Variants in ZDHHC21 observed in about 807,000 individuals in gnomAD.
ZDHHC21 encodes palmitoyltransferase ZDHHC21.
In ZDHHC21, 15 loss-of-function variants were observed where a neutral mutation model predicts 34.6. The observed-to-expected ratio is 0.43, with a 90% confidence interval of 0.29 to 0.67. The LOEUF is 0.67. Ranked by LOEUF, ZDHHC21 falls within the 30% of genes least tolerant of loss-of-function variation. The probability of loss-of-function intolerance (pLI) is 0.14; values close to 1 mark genes in which losing one functional copy is unlikely to be tolerated. For synonymous variants in ZDHHC21, 142 were observed against 101.8 expected (o/e 1.40, Z -2.38); for missense variants, 344 against 327.7 (o/e 1.05, Z -0.38).
Position 14,612,239 on chromosome 9 carries a change from C to A in ZDHHC21, c.*6727G>T, listed in dbSNP as rs1034348546. The A allele has an allele frequency of 2.0e-5, 3 of 151,970 alleles. No homozygotes were observed. The highest frequency in any genetic ancestry group is 4.4e-5 in the Non-Finnish European group (3 of 67,932). The allele number at this position is 151,970 out of a possible 1,614,324, so 9.4% of individuals were successfully genotyped here. ...CTTTTTTTCCATTCAGAATTGACTG[C>A]AAAACCATATATTGTATCTACATTC... On this transcript the variant is annotated 3_prime_UTR_variant, in exon 10 of 10. Coordinates refer to ENST00000380916, the MANE Select transcript of ZDHHC21 (RefSeq NM_178566.6).
intron 6 of ZDHHC21, among the ~76,000 whole-genome samples, chr9:14,659,443 G>A (rs12003860): frequency 0.032 from 4,828 of 152,180 alleles, 257 homozygotes; most frequent in African/African-American, 0.11. Flanking sequence ...AATACACACA[G>A]CTATACTTCC....
intron 6 of ZDHHC21, among the ~76,000 whole-genome samples, chr9:14,660,945 T>C (rs17215754): frequency 6.6e-6 from 1 of 152,144 alleles, no homozygotes; most frequent in Non-Finnish European, 1.5e-5. Context: ...AATACATGTT[T>C]CACGTAGCTT....
At chr9:14,682,945 C>T (rs1837635968) in intron 2 of ZDHHC21, among the ~76,000 whole-genome samples, 1 of 152,148 alleles carries the variant, frequency 6.6e-6, no homozygotes, top group Admixed American at 6.5e-5. Context: ...CTACTAGGTA[C>T]ATAACGAAAT....
At chr9:14,682,944 A>G (rs1422145822) in intron 2 of ZDHHC21, among the ~76,000 whole-genome samples, 3 of 152,236 alleles carry the variant, frequency 2.0e-5, no homozygotes, top group East Asian at 3.8e-4. Context: ...ACTACTAGGT[A>G]CATAACGAAA....
At chr9:14,670,012 CAAAT>C (rs1367510662) in intron 5 of ZDHHC21, among the ~76,000 whole-genome samples, 5 of 150,634 alleles carry the variant, frequency 3.3e-5, no homozygotes, top group Non-Finnish European at 7.4e-5. Flanking sequence ...AATAAAAAAA[CAAAT>C]AAACAAAAAA....
the ZDHHC21 span, chr9:14,589,665 C>CA: frequency 6.6e-6 from 1 of 152,180 alleles, no homozygotes; most frequent in East Asian, 1.9e-4. Flanking sequence ...GAACAATTTT[C>CA]AGAGTTCACA....
In ZDHHC21 at chr9:14,674,355, A is replaced by G; in HGVS notation, c.-15T>C. The G allele has an allele frequency of 6.3e-7, 1 of 1,584,376 alleles. No individual in the cohort carries two copies. Among genetic ancestry groups the G allele is most frequent in the Non-Finnish European group, 8.6e-7 (1 of 1,168,580 alleles). ...CGGAGACCCATTTTGCAATCTTATA[A>G]CTGCCTGCTAACCCACAAGGAAGGA... On this transcript the variant is annotated 5_prime_UTR_variant, in exon 4 of 10. Coordinates refer to ENST00000380916, the MANE Select transcript of ZDHHC21 (RefSeq NM_178566.6).
At chr9:14,623,659 A>AG (rs1186818317) in intron 8 of ZDHHC21, among the ~76,000 whole-genome samples, 2 of 151,006 alleles carry the variant, frequency 1.3e-5, no homozygotes, top group Non-Finnish European at 2.9e-5. Flanking sequence ...AAAAAAAAAA[A>AG]AGAGAGAGAA....
At chr9:14,680,814 CAAGTT>C (rs778029704) in intron 2 of ZDHHC21, among the ~76,000 whole-genome samples, 3 of 152,124 alleles carry the variant, frequency 2.0e-5, no homozygotes, top group Non-Finnish European at 2.9e-5. Flanking sequence ...ACCAGTAAGA[CAAGTT>C]AAGACAGAGA....
intron 7 of ZDHHC21, among the ~76,000 whole-genome samples, chr9:14,652,662 C>A (rs774065834): frequency 1.3e-5 from 2 of 151,892 alleles, no homozygotes; most frequent in Non-Finnish European, 2.9e-5. Flanking sequence ...GGCTCCCAAT[C>A]TGTTCATTTC....
At chr9:14,675,782 G>A (rs1836266654) in intron 3 of ZDHHC21, among the ~76,000 whole-genome samples, 1 of 151,948 alleles carries the variant, frequency 6.6e-6, no homozygotes, top group Non-Finnish European at 1.5e-5. Context: ...CAGAAGATGG[G>A]ACCAGTTAAA....
At chr9:14,641,979 G>A (rs961642884) in intron 7 of ZDHHC21, among the ~76,000 whole-genome samples, 7 of 152,106 alleles carry the variant, frequency 4.6e-5, no homozygotes, top group Non-Finnish European at 8.8e-5. Context: ...AGAGCTTACT[G>A]TACTAAAATT....
the ZDHHC21 span, among the ~76,000 whole-genome samples, chr9:14,591,645 C>G: frequency 6.6e-6 from 1 of 152,090 alleles, no homozygotes; most frequent in African/African-American, 2.4e-5. Context: ...TCCATGATCC[C>G]TTCATACAAA....
intron 2 of ZDHHC21, among the ~76,000 whole-genome samples, chr9:14,685,775 T>C (rs1424535649): frequency 6.6e-6 from 1 of 152,170 alleles, no homozygotes; most frequent in East Asian, 1.9e-4. Flanking sequence ...TGCAGCACTA[T>C]TCACAATAGC....
chr9:14,647,791 G>GCCTA (rs1194826545), intron 7 of ZDHHC21, among the ~76,000 whole-genome samples: 1 of 152,064 alleles, frequency 6.6e-6, no homozygotes, highest in Non-Finnish European at 1.5e-5. Flanking sequence ...ACTGATGAGT[G>GCCTA]CCTAGTTTGG....
chr9:14,634,202 G>A (rs1246905883), intron 8 of ZDHHC21, among the ~76,000 whole-genome samples: 2 of 152,168 alleles, frequency 1.3e-5, no homozygotes, highest in Non-Finnish European at 2.9e-5. Flanking sequence ...CTGCAGGTCT[G>A]AGGGCTGGCC....
chr9:14,597,842 C>T, the ZDHHC21 span, among the ~76,000 whole-genome samples: 4 of 152,032 alleles, frequency 2.6e-5, no homozygotes, highest in Non-Finnish European at 4.4e-5. Context: ...AAAGACAGAC[C>T]CACCCAGCCT....
chr9:14,597,713 C>G, the ZDHHC21 span, among the ~76,000 whole-genome samples: 462 of 152,212 alleles, frequency 3.0e-3, 1 homozygote, highest in Non-Finnish European at 3.0e-3. Flanking sequence ...CATCCAGGAG[C>G]CTGAGAACTG....
the ZDHHC21 span, chr9:14,594,031 G>C: frequency 6.6e-6 from 1 of 152,254 alleles, no homozygotes; most frequent in African/African-American, 2.4e-5. Context: ...AACCCACAGA[G>C]CAGCATCTAA....
Sources: gnomAD v4.1 joint callset for allele counts (sites outside exome capture counted in the v4.1 genomes callset) on GRCh38, gnomAD v4.1.1 for gene constraint, MANE v1.5 for transcripts, NCBI Gene and HGNC (gene_info 2026-07-23, HGNC 2026-07-21) for gene names.